KCNH7: variants seen among roughly 807,000 people sequenced by gnomAD.
KCNH7 encodes potassium voltage-gated channel subfamily H member 7, also known as voltage-gated inwardly rectifying potassium channel KCNH7.
KCNH7 carries 49 observed loss-of-function variants against 120.8 expected under a neutral mutation model. The ratio of observed to expected loss-of-function variants is 0.41; its 90% CI spans 0.32 to 0.51. The LOEUF (loss-of-function observed/expected upper bound fraction) is 0.51, where lower values mean the gene tolerates loss of function less well. Among genes scored for constraint, KCNH7 ranks in the 20% least tolerant of loss-of-function variants. KCNH7 has a pLI of 0.38. For missense variants in KCNH7, 1,097 were observed against 1,446.6 expected, an observed-to-expected ratio of 0.76 and a Z score of 3.92; for synonymous variants, 547 against 516.1, an observed-to-expected ratio of 1.06 and a Z score of -0.81.
chr2:162,754,915 T>C (rs749960714), intron 2 of KCNH7, among the ~76,000 whole-genome samples: 4 of 152,128 alleles, frequency 2.6e-5, no homozygotes, highest in African/African-American at 2.4e-5. Flanking sequence ...AAAATAAATA[T>C]ACGAATTTAC....
chr2:162,612,734 C>A (rs1040696324), intron 2 of KCNH7, among the ~76,000 whole-genome samples: 5 of 151,864 alleles, frequency 3.3e-5, no homozygotes, highest in Admixed American at 1.3e-4. Flanking sequence ...AATATACATA[C>A]ATACATTTGA....
intron 2 of KCNH7, among the ~76,000 whole-genome samples, chr2:162,740,905 C>T (rs76396780): frequency 0.013 from 2,016 of 152,152 alleles, 40 homozygotes; most frequent in African/African-American, 0.044. Flanking sequence ...AGTACTTTTT[C>T]GGACTTTCTG....
chr2:162,507,130 G>T (rs1418187933), intron 5 of KCNH7, among the ~76,000 whole-genome samples: 1 of 151,694 alleles, frequency 6.6e-6, no homozygotes, highest in South Asian at 2.1e-4. Context: ...ATCAGAAATT[G>T]TTCATCATTT....
intron 2 of KCNH7, among the ~76,000 whole-genome samples, chr2:162,623,451 T>C (rs1683433064): frequency 6.6e-6 from 1 of 152,202 alleles, no homozygotes. Context: ...TAAAAGAATT[T>C]TATAATTCAA....
intron 2 of KCNH7, among the ~76,000 whole-genome samples, chr2:162,702,006 C>CA (rs11297562): frequency 9.3e-4 from 126 of 135,912 alleles, no homozygotes; most frequent in Admixed American, 2.8e-3. Context: ...GACGCCATCT[C>CA]AAAAAAAAAA....
chr2:162,722,497 G>C (rs537142529), intron 2 of KCNH7, among the ~76,000 whole-genome samples: 1 of 152,164 alleles, frequency 6.6e-6, no homozygotes, highest in South Asian at 2.1e-4. Flanking sequence ...GTCTTAATAT[G>C]TGACAAGTCA....
intron 6 of KCNH7, among the ~76,000 whole-genome samples, chr2:162,456,799 T>C (rs1320563991): frequency 6.6e-6 from 1 of 152,130 alleles, no homozygotes; most frequent in Non-Finnish European, 1.5e-5. Context: ...GTTTAAAGTT[T>C]GTTTTATCAG....
At chr2:162,823,628 T>C (rs532286696) in intron 2 of KCNH7, among the ~76,000 whole-genome samples, 15 of 152,302 alleles carry the variant, frequency 9.8e-5, no homozygotes, top group Non-Finnish European at 1.9e-4. Context: ...AATAATGTCA[T>C]TACTTTTAGA....
intron 12 of KCNH7, among the ~76,000 whole-genome samples, chr2:162,388,204 A>G (rs1222416448): frequency 6.6e-6 from 1 of 151,852 alleles, no homozygotes; most frequent in Non-Finnish European, 1.5e-5. Flanking sequence ...AAATTAAAAT[A>G]AAGAAAAGAT....
At chr2:162,454,043 A>C (rs1167334577) in intron 6 of KCNH7, among the ~76,000 whole-genome samples, 2 of 151,966 alleles carry the variant, frequency 1.3e-5, no homozygotes, top group African/African-American at 4.8e-5. Flanking sequence ...CCTATGTCCT[A>C]AATGGTAGTG....
intron 9 of KCNH7, among the ~76,000 whole-genome samples, chr2:162,406,258 A>G (rs986713648): frequency 6.6e-6 from 1 of 151,534 alleles, no homozygotes; most frequent in Admixed American, 6.6e-5. Flanking sequence ...AGGATTGTAA[A>G]CTCCTGTATT....
At chr2:162,721,399 A>G (rs1433710696) in intron 2 of KCNH7, among the ~76,000 whole-genome samples, 1 of 152,140 alleles carries the variant, frequency 6.6e-6, no homozygotes. Context: ...AAGAAGACAC[A>G]AATTTTTATT....
At chr2:162,589,044 C>G (rs2105929804) in intron 2 of KCNH7, among the ~76,000 whole-genome samples, 1 of 152,160 alleles carries the variant, frequency 6.6e-6, no homozygotes, top group Admixed American at 6.6e-5. Flanking sequence ...GTTAAGGTGG[C>G]TCCCAAAATG....
chr2:162,379,931 C>T lies in KCNH7; in HGVS notation c.3053G>A (p.Gly1018Asp), dbSNP rs769656603. 5.0e-6 allele frequency: 8 copies of T among 1,613,926 alleles called. No individual in the cohort carries two copies. The South Asian group carries it at 7.7e-5, about 16-fold the overall frequency. ...GAGGTCGCTTTCGGTTTCAGAGATA[C>T]CCCAGGCAGCTCGCTGAAGTGCAGA... Reference protein sequence around the residue: ...SPSALQRAAWGISETESDLTY... With the variant: ...SPSALQRAAWDISETESDLTY... Residue 1018 changes from glycine to aspartate, a missense_variant, in exon 14 of 16, where the codon GGT (glycine) becomes GAT (aspartate). Transcript: ENST00000332142.
chr2:162,593,754 G>A (rs767595055), intron 2 of KCNH7, among the ~76,000 whole-genome samples: 1 of 151,910 alleles, frequency 6.6e-6, no homozygotes, highest in Non-Finnish European at 1.5e-5. Context: ...AAATGAAAAT[G>A]AAGATGATTT....
chr2:162,639,556 T>C lies in KCNH7; in HGVS notation c.308-102476A>G, dbSNP rs996574826. Among the ~76,000 whole-genome samples, 4 of 152,162 alleles carry C rather than the reference T, an allele frequency of 2.6e-5. No individual in the cohort carries two copies. In the East Asian group the frequency reaches 5.8e-4, roughly 22 times the overall value. On this transcript the variant is annotated intron_variant, in intron 2 of 15. Transcript: ENST00000332142. ...AGTATAGTCTTTACCTGGCCTGTTA[T>C]GGAAATTTAAAAAAGCATTAAAATA...
At chr2:162,485,183 C>T (rs567177601) in intron 6 of KCNH7, among the ~76,000 whole-genome samples, 3 of 152,202 alleles carry the variant, frequency 2.0e-5, no homozygotes, top group South Asian at 2.1e-4. Flanking sequence ...TTAATTTTTT[C>T]GCTTCTCTAC....
At chr2:162,617,838 T>G (rs1444516646) in intron 2 of KCNH7, among the ~76,000 whole-genome samples, 1 of 152,150 alleles carries the variant, frequency 6.6e-6, no homozygotes, top group African/African-American at 2.4e-5. Context: ...GGAATAATCT[T>G]CTGCCGTCAT....
intron 4 of KCNH7, 71 bp from the exon 5 acceptor site, chr2:162,512,745 A>G: frequency 8.9e-7 from 1 of 1,119,600 alleles, no homozygotes; most frequent in South Asian, 1.4e-5. Flanking sequence ...ATATACACTG[A>G]ATTACCTGTA....
Sources: gnomAD v4.1 joint callset for allele counts (sites outside exome capture counted in the v4.1 genomes callset) on GRCh38, gnomAD v4.1.1 for gene constraint, MANE v1.5 for transcripts, NCBI Gene and HGNC (gene_info 2026-07-23, HGNC 2026-07-21) for gene names.